Variants in ZNF880 observed in about 807,000 individuals in gnomAD.
ZNF880 encodes the protein zinc finger protein 880.
In ZNF880, 12 loss-of-function variants were observed where a neutral mutation model predicts 11.8. The observed-to-expected ratio is 1.02, with a 90% CI of 0.65 to 1.65. The LOEUF (loss-of-function observed/expected upper bound fraction) is 1.65, where lower values mean the gene tolerates loss of function less well. Ranked by LOEUF, ZNF880 falls within the 40% of genes most tolerant of loss-of-function variation. The pLI, the probability that ZNF880 is intolerant of heterozygous loss-of-function variation, is 0.00. For synonymous variants in ZNF880, 210 were observed against 232.4 expected (o/e 0.90, Z 0.88); for missense variants, 601 against 673.9 (o/e 0.89, Z 1.20).
chr19:52,390,402 T>C, downstream of ZNF880: 1 of 370,040 alleles, frequency 2.7e-6, no homozygotes, highest in Non-Finnish European at 5.5e-6. Context: ...GACTTTCTCC[T>C]GCCTTTTTCC....
chr19:52,374,415 G>T lies in ZNF880; in HGVS notation c.256G>T (p.Gly86Cys). ...NNPGGRECIK[G>C]VNAESSSKLG... is the part of the protein sequence containing the mutation. ...TCCAGGTGGCAGGGAGTGCATCAAA[G>T]GTGTGAACGCAGGTAAGAGCTTGGA... Residue 86 changes from glycine (G) to cysteine (C), a missense_variant, in exon 3 of 4, where the codon GGT (glycine) becomes TGT (cysteine). By Grantham distance (159) the Gly-to-Cys change is radical. Around this residue, in one of 3 missense-constraint regions of ZNF880, gnomAD observed 420 missense variants for 442.6 expected, o/e 0.95. Coordinates refer to ENST00000422689, the MANE Select transcript of ZNF880 (RefSeq NM_001145434.2). 6.2e-7 allele frequency: 1 copy of T among 1,612,084 alleles called. No individual in the cohort carries two copies. The highest frequency in any genetic ancestry group is 8.5e-7 in the Non-Finnish European group (1 of 1,179,078).
upstream of ZNF880, chr19:52,369,840 G>T: frequency 7.9e-7 from 1 of 1,262,904 alleles, no homozygotes. Flanking sequence ...AACGAGACGA[G>T]CTGGGAGCGA....
chr19:52,380,812 G>C (rs937610894), intron 3 of ZNF880, among the ~76,000 whole-genome samples: 1 of 152,062 alleles, frequency 6.6e-6, no homozygotes, highest in South Asian at 2.1e-4. Flanking sequence ...AAGTAGCTGG[G>C]ACTACAGGCA....
In ZNF880 at chr19:52,385,205, A is replaced by G; in HGVS notation, c.1625A>G (p.His542Arg). The G allele has an allele frequency of 1.3e-6, 2 of 1,552,258 alleles. No homozygotes were observed. The highest frequency in any genetic ancestry group is 1.7e-6 in the Non-Finnish European group (2 of 1,147,386). Residue 542 changes from histidine to arginine, a missense_variant, in exon 4 of 4, where the codon CAT becomes CGT. By Grantham distance (29) the His-to-Arg change is conservative. Transcript: ENST00000422689. ...KLYLKKHERIHTGEKPYRCHE... is the reference protein window; with the variant it reads ...KLYLKKHERIRTGEKPYRCHE... ...TACCTAAAAAAACATGAGAGAATTCATACTGGGGAGAAACCGTACAGATGT... is the reference window on the plus strand; with the variant it reads ...TACCTAAAAAAACATGAGAGAATTCGTACTGGGGAGAAACCGTACAGATGT...
chr19:52,384,505 G>A lies in ZNF880; in HGVS notation c.925G>A (p.Ala309Thr). Residue 309 changes from alanine to threonine, a missense_variant, in exon 4 of 4, where the codon GCA becomes ACA. This residue lies in a region of ZNF880 where 420 missense variants were observed against 442.6 expected (regional missense o/e 0.95). Coordinates refer to ENST00000422689, the MANE Select transcript of ZNF880 (RefSeq NM_001145434.2). ...NECGKVFNRNAHLARHQKIHS... is the reference protein window; with the variant it reads ...NECGKVFNRNTHLARHQKIHS... The stretch of plus-strand genomic sequence containing the variant: ...GTGTGGCAAGGTCTTCAACAGAAAT[G>A]CACACCTTGCACGACATCAGAAAAT... 2.5e-6 allele frequency: 4 copies of A among 1,613,460 alleles called. No homozygotes were observed. Among genetic ancestry groups the A allele is most frequent in the Non-Finnish European group, 3.4e-6 (4 of 1,179,846 alleles).
the ZNF880 span, among the ~76,000 whole-genome samples, chr19:52,393,876 G>T: frequency 8.9e-5 from 10 of 112,022 alleles, no homozygotes; most frequent in East Asian, 1.5e-3. Context: ...TTGCTCTGTC[G>T]CCCAGGCTGG....
chr19:52,375,065 TTAC>T (rs1986513254), intron 3 of ZNF880, among the ~76,000 whole-genome samples: 1 of 151,990 alleles, frequency 6.6e-6, no homozygotes, highest in Non-Finnish European at 1.5e-5. Flanking sequence ...TTGCCCCCTC[TTAC>T]TGCTGCTGTG....
At chr19:52,374,509 C>G in intron 3 of ZNF880, 82 bp downstream of exon 3, 1 of 1,503,044 alleles carries the variant, frequency 6.7e-7, no homozygotes. Context: ...CCCAGGCTGT[C>G]GTAGAGTGGC....
chr19:52,378,919 CAT>C (rs1300965052), intron 3 of ZNF880, among the ~76,000 whole-genome samples: 1 of 150,850 alleles, frequency 6.6e-6, no homozygotes, highest in Non-Finnish European at 1.5e-5. Context: ...CTCTACAAAA[CAT>C]ATAAAAATTT....
the ZNF880 span, among the ~76,000 whole-genome samples, chr19:52,395,295 C>G: frequency 2.0e-5 from 3 of 152,154 alleles, no homozygotes; most frequent in African/African-American, 7.2e-5. Context: ...AGGGGACATT[C>G]TTGCCCTCAT....
chr19:52,375,453 A>G (rs912747273), intron 3 of ZNF880, among the ~76,000 whole-genome samples: 2 of 151,912 alleles, frequency 1.3e-5, no homozygotes, highest in Admixed American at 6.6e-5. Flanking sequence ...TGGCCTCCCA[A>G]AGTGCTGGGA....
At chr19:52,387,764 TGAAA>T (rs981063467), downstream of ZNF880, among the ~76,000 whole-genome samples, 2 of 143,026 alleles carry the variant, frequency 1.4e-5, no homozygotes, top group Admixed American at 6.9e-5. Flanking sequence ...TACTATTAAA[TGAAA>T]GAAAGTATGT....
chr19:52,383,718 G>A (rs963319469), intron 3 of ZNF880, 131 bp from the exon 4 acceptor site: 3 of 1,005,554 alleles, frequency 3.0e-6, no homozygotes, highest in African/African-American at 1.6e-5. Context: ...TGCACTGCCA[G>A]CATGATACAC....
chr19:52,372,888 C>T (rs543353254), intron 1 of ZNF880, among the ~76,000 whole-genome samples: 15 of 126,306 alleles, frequency 1.2e-4, no homozygotes, highest in East Asian at 9.2e-4. Context: ...CCAGCTTGGG[C>T]GACAGAGCGA....
At position 52,384,484 on chromosome 19, in the gene ZNF880, G is replaced by A. The variant is rs780548670; in HGVS notation, c.904G>A (p.Gly302Ser). ...GEKPYKCNEC[G>S]KVFNRNAHLA... ...GAAACCTTACAAATGTAATGAGTGT[G>A]GCAAGGTCTTCAACAGAAATGCACA... is the stretch of plus-strand genomic sequence containing the variant. Residue 302 changes from glycine (G) to serine (S), a missense_variant, in exon 4 of 4, where the codon GGC becomes AGC. Coordinates refer to ENST00000422689, the MANE Select transcript of ZNF880 (RefSeq NM_001145434.2). 28 of 1,613,906 alleles carry A rather than the reference G, an allele frequency of 1.7e-5. No homozygotes were observed. The South Asian group carries it at 3.1e-4, about 18-fold the overall frequency.
At chr19:52,388,262 A>G (rs1431342039), downstream of ZNF880, among the ~76,000 whole-genome samples, 2 of 121,806 alleles carry the variant, frequency 1.6e-5, 1 homozygote, top group South Asian at 5.0e-4. Flanking sequence ...TTCCCCTTAC[A>G]ACATTTTTGG....
chr19:52,382,553 T>A (rs1986736048), intron 3 of ZNF880, among the ~76,000 whole-genome samples: 1 of 152,198 alleles, frequency 6.6e-6, no homozygotes, highest in Non-Finnish European at 1.5e-5. Context: ...AAATATAGTA[T>A]TCTTGGTTGA....
At chr19:52,366,879 C>G (rs1228111250), upstream of ZNF880, 2 of 746,794 alleles carry the variant, frequency 2.7e-6, no homozygotes, top group African/African-American at 3.5e-5. Context: ...GCATTGAAGC[C>G]TCATCACTCA....
Position 52,383,836 on chromosome 19 carries a change from C to T in ZNF880, c.269-13C>T, listed in dbSNP as rs1389607106. On this transcript the variant is annotated splice_polypyrimidine_tract_variant and intron_variant, in intron 3 of 3. Coordinates refer to ENST00000422689, the MANE Select transcript of ZNF880 (RefSeq NM_001145434.2). ...TCATGGGTTGAAGTTCCACTTTTTT[C>T]TTTCTTTTTTAGAGAGCAGCTCTAA... is the stretch of plus-strand genomic sequence containing the variant. 4 of 1,509,202 alleles carry T rather than the reference C, an allele frequency of 2.7e-6. No individual in the cohort carries two copies. Among genetic ancestry groups the T allele is most frequent in the Admixed American group, 4.9e-5 (2 of 40,792 alleles). The allele number at this position is 1,509,202 out of a possible 1,614,324, so 93.5% of individuals were successfully genotyped here. A position where few individuals can be genotyped will look rare whatever the true frequency, so the allele number is the denominator to read the frequency against.
Sources: gnomAD v4.1 joint callset for allele counts (sites outside exome capture counted in the v4.1 genomes callset) on GRCh38, gnomAD v4.1.1 for gene constraint, gnomAD v4.1.1 regional missense constraint, MANE v1.5 for transcripts, NCBI Gene and HGNC (gene_info 2026-07-23, HGNC 2026-07-21) for gene names.